The following GMDS variants were observed in gnomAD, a reference collection of about 807,000 sequenced individuals.
GMDS encodes GDP-mannose 4,6 dehydratase.
Under a neutral mutation model 49.9 loss-of-function variants are expected in GMDS, and 20 were observed. That is an observed-to-expected ratio of 0.40 (90% CI 0.28 to 0.58). The LOEUF is 0.58. Among genes scored for constraint, GMDS ranks in the 20% least tolerant of loss-of-function variants. The pLI is 0.42. For missense variants in GMDS, 362 were observed against 481.4 expected (o/e 0.75, Z 2.32); for synonymous variants, 177 against 178.6 (o/e 0.99, Z 0.07).
intron 4 of GMDS, among the ~76,000 whole-genome samples, chr6:2,060,435 A>C (rs1771077281): frequency 6.6e-6 from 1 of 152,206 alleles, no homozygotes; most frequent in Non-Finnish European, 1.5e-5. Context: ...GTGATTACAC[A>C]GAAAATCTCC....
intron 9 of GMDS, among the ~76,000 whole-genome samples, chr6:1,684,350 G>C (rs573062308): frequency 9.9e-5 from 15 of 152,276 alleles, no homozygotes; most frequent in African/African-American, 2.6e-4. Context: ...TCACTCAAAC[G>C]TATGTAACCA....
At chr6:1,706,482 G>C (rs1765739068) in intron 9 of GMDS, among the ~76,000 whole-genome samples, 1 of 152,236 alleles carries the variant, frequency 6.6e-6, no homozygotes, top group South Asian at 2.1e-4. Flanking sequence ...TAACTGATGA[G>C]AACGATGCTG....
At chr6:2,083,351 T>C (rs1225485040) in intron 4 of GMDS, among the ~76,000 whole-genome samples, 3 of 152,124 alleles carry the variant, frequency 2.0e-5, no homozygotes, top group Non-Finnish European at 4.4e-5. Context: ...TACCCAACCA[T>C]AGTATTACCA....
chr6:1,781,205 G>A (rs929489910), intron 7 of GMDS, among the ~76,000 whole-genome samples: 11 of 152,092 alleles, frequency 7.2e-5, no homozygotes, highest in African/African-American at 2.4e-4. Flanking sequence ...GCCTCACGAA[G>A]GGGTCTCCAG....
intron 9 of GMDS, among the ~76,000 whole-genome samples, chr6:1,704,721 C>A (rs1375718460): frequency 1.3e-5 from 2 of 152,134 alleles, no homozygotes; most frequent in East Asian, 1.9e-4. Context: ...TGGGTATTTT[C>A]ATGTGTGAGA....
At chr6:1,757,847 T>G (rs966398476) in intron 7 of GMDS, among the ~76,000 whole-genome samples, 6 of 152,224 alleles carry the variant, frequency 3.9e-5, no homozygotes, top group African/African-American at 9.7e-5. Context: ...TCAGTTGCAT[T>G]GAAAAAGTAA....
intron 7 of GMDS, among the ~76,000 whole-genome samples, chr6:1,868,052 T>C (rs1389064973): frequency 1.3e-5 from 2 of 151,898 alleles, no homozygotes; most frequent in Non-Finnish European, 2.9e-5. Context: ...AGTGGCACGA[T>C]CTTGGCTCAC....
At chr6:1,673,189 C>T (rs1198550709) in intron 9 of GMDS, among the ~76,000 whole-genome samples, 2 of 152,142 alleles carry the variant, frequency 1.3e-5, no homozygotes, top group Non-Finnish European at 2.9e-5. Flanking sequence ...GGCTGTCCAG[C>T]CTGCTCATCC....
intron 6 of GMDS, among the ~76,000 whole-genome samples, chr6:1,953,078 G>A (rs1369966244): frequency 3.9e-5 from 6 of 152,128 alleles, no homozygotes; most frequent in South Asian, 2.1e-4. Context: ...TATCCTCATC[G>A]AAAGACGGAA....
intron 9 of GMDS, among the ~76,000 whole-genome samples, chr6:1,717,270 A>G (rs1766208429): frequency 6.6e-6 from 1 of 152,258 alleles, no homozygotes; most frequent in South Asian, 2.1e-4. Context: ...GTAAACCAAC[A>G]TAGATTTTAG....
chr6:1,754,935 AC>A (rs1229028574), intron 7 of GMDS, among the ~76,000 whole-genome samples: 2 of 152,278 alleles, frequency 1.3e-5, no homozygotes, highest in Non-Finnish European at 2.9e-5. Flanking sequence ...CCAATATCAT[AC>A]TGAATGGGCA....
At chr6:1,865,927 C>A (rs1253484089) in intron 7 of GMDS, among the ~76,000 whole-genome samples, 1 of 152,154 alleles carries the variant, frequency 6.6e-6, no homozygotes, top group East Asian at 1.9e-4. Context: ...AGCCCCCAGC[C>A]CCACACCCTA....
chr6:1,960,534 T>A (rs1329359133), intron 5 of GMDS, among the ~76,000 whole-genome samples: 1 of 152,194 alleles, frequency 6.6e-6, no homozygotes, highest in African/African-American at 2.4e-5. Flanking sequence ...TGAATGAACA[T>A]GGGTTGGTGA....
intron 7 of GMDS, among the ~76,000 whole-genome samples, chr6:1,829,486 T>C (rs546139524): frequency 4.6e-5 from 7 of 152,300 alleles, no homozygotes; most frequent in African/African-American, 1.7e-4. Context: ...CAGGCTGGAG[T>C]GCACTGGTGT....
At chr6:1,949,814 G>A (rs903071770) in intron 6 of GMDS, among the ~76,000 whole-genome samples, 1 of 152,152 alleles carries the variant, frequency 6.6e-6, no homozygotes, top group African/African-American at 2.4e-5. Flanking sequence ...ATGGTATTGT[G>A]TAAAACCTAT....
chr6:2,238,825 A>G (rs1433886173), intron 1 of GMDS, among the ~76,000 whole-genome samples: 1 of 151,418 alleles, frequency 6.6e-6, no homozygotes, highest in Non-Finnish European at 1.5e-5. Flanking sequence ...ATAAATATGT[A>G]CAATTATTAT....
At chr6:2,178,120 C>T (rs1317901314) in intron 1 of GMDS, among the ~76,000 whole-genome samples, 1 of 152,150 alleles carries the variant, frequency 6.6e-6, no homozygotes, top group Non-Finnish European at 1.5e-5. Context: ...GAACAATAGA[C>T]ACTGGGGACT....
chr6:1,755,356 T>G (rs1185452490), intron 7 of GMDS, among the ~76,000 whole-genome samples: 1 of 152,122 alleles, frequency 6.6e-6, no homozygotes, highest in Non-Finnish European at 1.5e-5. Flanking sequence ...TATAAACCAC[T>G]GCTCAAGGAA....
intron 1 of GMDS, among the ~76,000 whole-genome samples, chr6:2,128,397 ACCCCTGACCTCAGGTGAT>A (rs1554168514): frequency 2.0e-5 from 3 of 151,556 alleles, no homozygotes; most frequent in Non-Finnish European, 4.4e-5. Context: ...CTGTTCTCAA[ACCCCTGACCTCAGGTGAT>A]CCACCTGCCT....
Sources: gnomAD v4.1 joint callset for allele counts (sites outside exome capture counted in the v4.1 genomes callset) on GRCh38, gnomAD v4.1.1 for gene constraint, MANE v1.5 for transcripts, NCBI Gene and HGNC (gene_info 2026-07-23, HGNC 2026-07-21) for gene names.